Variants in CNTN5 observed in about 807,000 individuals in gnomAD.
CNTN5 encodes contactin 5.
CNTN5 carries 77 observed loss-of-function variants against 129.1 expected under a neutral mutation model. The ratio of observed to expected loss-of-function variants is 0.60; its 90% CI spans 0.50 to 0.72. The LOEUF (loss-of-function observed/expected upper bound fraction) is 0.72, where lower values mean the gene tolerates loss of function less well. Among genes scored for constraint, CNTN5 ranks in the 30% least tolerant of loss-of-function variants. The probability of loss-of-function intolerance (pLI) is 0.00; values close to 1 mark genes in which losing one functional copy is unlikely to be tolerated. For synonymous variants in CNTN5, 509 were observed against 465.6 expected (o/e 1.09, Z -1.20); for missense variants, 1,478 against 1,328.8 (o/e 1.11, Z -1.75).
At chr11:99,557,252 A>T (rs1477780128) in intron 3 of CNTN5, among the ~76,000 whole-genome samples, 1 of 151,342 alleles carries the variant, frequency 6.6e-6, no homozygotes, top group East Asian at 1.9e-4. Flanking sequence ...AAATACATAC[A>T]TGTTCCATTT....
At chr11:99,502,965 A>C (rs1477527563) in intron 2 of CNTN5, among the ~76,000 whole-genome samples, 1 of 152,172 alleles carries the variant, frequency 6.6e-6, no homozygotes, top group Non-Finnish European at 1.5e-5. Context: ...ATTAGGAATT[A>C]TCTTGGGTTA....
intron 3 of CNTN5, among the ~76,000 whole-genome samples, chr11:99,691,696 C>T (rs1591486480): frequency 6.6e-6 from 1 of 151,956 alleles, no homozygotes; most frequent in South Asian, 2.1e-4. Context: ...TTAGTAAGTG[C>T]CATGTGGTGA....
At chr11:99,169,844 GC>G (rs1207804009) in intron 1 of CNTN5, among the ~76,000 whole-genome samples, 1 of 152,028 alleles carries the variant, frequency 6.6e-6, no homozygotes, top group Admixed American at 6.6e-5. Context: ...AAAATAACAT[GC>G]AAAGACTGAA....
chr11:100,003,005 C>A (rs1014530761), intron 9 of CNTN5, among the ~76,000 whole-genome samples: 1 of 151,914 alleles, frequency 6.6e-6, no homozygotes, highest in African/African-American at 2.4e-5. Flanking sequence ...GCCAGATACA[C>A]AAGTGTGATT....
At chr11:99,443,465 C>T (rs980995813) in intron 2 of CNTN5, among the ~76,000 whole-genome samples, 1 of 152,060 alleles carries the variant, frequency 6.6e-6, no homozygotes, top group Non-Finnish European at 1.5e-5. Context: ...TTTGACAAAA[C>T]GTTGCAATAA....
chr11:99,971,644 A>G (rs11222103), intron 8 of CNTN5, among the ~76,000 whole-genome samples: 10,593 of 151,906 alleles, frequency 0.07, 775 homozygotes, highest in East Asian at 0.31. Context: ...TTGCCAACAC[A>G]TAGCTTCCCG....
chr11:100,253,971 T>C (rs1353589736), intron 16 of CNTN5, among the ~76,000 whole-genome samples: 1 of 152,138 alleles, frequency 6.6e-6, no homozygotes, highest in African/African-American at 2.4e-5. Context: ...TCCTTTTTTT[T>C]ATTCTAGTCT....
chr11:100,043,512 TG>T, intron 9 of CNTN5, among the ~76,000 whole-genome samples: 1 of 152,200 alleles, frequency 6.6e-6, no homozygotes. Context: ...AAGATATTTT[TG>T]TTTTTGAAGG....
chr11:100,342,152 GACACACACACAC>G (rs3220443), intron 23 of CNTN5, among the ~76,000 whole-genome samples: 9 of 146,898 alleles, frequency 6.1e-5, no homozygotes, highest in African/African-American at 1.8e-4. Context: ...ATAGATCACA[GACACACACACAC>G]ACACACACAC....
intron 8 of CNTN5, among the ~76,000 whole-genome samples, chr11:99,997,154 G>A (rs1375336210): frequency 6.6e-6 from 1 of 151,954 alleles, no homozygotes; most frequent in Non-Finnish European, 1.5e-5. Context: ...CTTGCTAGCG[G>A]TCTATCAATT....
chr11:99,475,343 C>T (rs1019295337), intron 2 of CNTN5, among the ~76,000 whole-genome samples: 1 of 152,168 alleles, frequency 6.6e-6, no homozygotes. Flanking sequence ...ATATCCCAGC[C>T]TCTAGAACTG....
chr11:100,306,328 C>A (rs1388602267), intron 20 of CNTN5, among the ~76,000 whole-genome samples: 3 of 151,554 alleles, frequency 2.0e-5, no homozygotes, highest in Non-Finnish European at 4.4e-5. Context: ...TACAGTACTA[C>A]TGAAAGTTGA....
At chr11:100,319,575 T>A (rs1225121282) in intron 21 of CNTN5, among the ~76,000 whole-genome samples, 3 of 152,228 alleles carry the variant, frequency 2.0e-5, no homozygotes, top group Non-Finnish European at 4.4e-5. Context: ...CACATAGTTA[T>A]CATTTTTAGG....
At chr11:99,035,321 T>A (rs1241142909) in intron 1 of CNTN5, among the ~76,000 whole-genome samples, 2 of 151,546 alleles carry the variant, frequency 1.3e-5, no homozygotes, top group Non-Finnish European at 2.9e-5. Context: ...TTCCTGGGTA[T>A]CCTTGTTGAC....
At chr11:99,364,149 G>A (rs966438620) in intron 2 of CNTN5, among the ~76,000 whole-genome samples, 53 of 151,852 alleles carry the variant, frequency 3.5e-4, no homozygotes, top group African/African-American at 1.2e-3. Flanking sequence ...AGAGAAAAAG[G>A]TTTTTTATAA....
intron 6 of CNTN5, among the ~76,000 whole-genome samples, chr11:99,877,386 A>G (rs1948661009): frequency 6.6e-6 from 1 of 152,170 alleles, no homozygotes. Context: ...CAGGTCCAGT[A>G]TATCAACAGT....
intron 8 of CNTN5, among the ~76,000 whole-genome samples, chr11:99,972,535 G>A (rs186456115): frequency 6.6e-6 from 1 of 152,306 alleles, no homozygotes; most frequent in East Asian, 1.9e-4. Context: ...AAGTTGAGAA[G>A]CACTTCCATT....
rs138863857 is a variant in CNTN5 at position 100,048,746 on chromosome 11, C to T, written c.981-12466C>T. Among the ~76,000 whole-genome samples, 177 of 151,646 alleles carry T rather than the reference C, an allele frequency of 1.2e-3. 1 individual carries two copies. Among genetic ancestry groups the T allele is most frequent in the African/African-American group, 4.2e-3 (172 of 41,348 alleles). On this transcript the variant is annotated intron_variant, in intron 9 of 24. Transcript: ENST00000524871. ...TACATAACGTATATCAAGGTTTAGT[C>T]TCAGAAGATAGGGATAGAACAAAAA... is the stretch of plus-strand genomic sequence containing the variant.
intron 13 of CNTN5, among the ~76,000 whole-genome samples, chr11:100,094,160 G>A (rs1398179542): frequency 6.6e-6 from 1 of 152,130 alleles, no homozygotes. Context: ...TCAGGAGACT[G>A]AACTGAGCAG....
Sources: gnomAD v4.1 joint callset for allele counts (sites outside exome capture counted in the v4.1 genomes callset) on GRCh38, gnomAD v4.1.1 for gene constraint, MANE v1.5 for transcripts, NCBI Gene and HGNC (gene_info 2026-07-23, HGNC 2026-07-21) for gene names.